Variants in EFCAB6 observed in about 807,000 individuals in gnomAD.
The protein encoded by EFCAB6 is EF-hand calcium-binding domain-containing protein 6.
In EFCAB6, 156 loss-of-function variants were observed where a neutral mutation model predicts 169.8. The observed-to-expected ratio is 0.92, with a 90% confidence interval of 0.81 to 1.05. The LOEUF is 1.05. EFCAB6 is among the 50% of genes least tolerant of loss of function. The probability of loss-of-function intolerance (pLI) is 0.00; values close to 1 mark genes in which losing one functional copy is unlikely to be tolerated. For missense variants in EFCAB6, 1,800 were observed against 1,829.1 expected, an observed-to-expected ratio of 0.98 and a Z score of 0.29; for synonymous variants, 698 against 676.4, an observed-to-expected ratio of 1.03 and a Z score of -0.50.
chr22:43,635,014 AC>A, intron 18 of EFCAB6, 87 bp downstream of exon 18: 1 of 1,019,034 alleles, frequency 9.8e-7, no homozygotes, highest in Non-Finnish European at 1.5e-6. Context: ...TGCTACTTCA[AC>A]CCGAGTGGCC....
intron 15 of EFCAB6, among the ~76,000 whole-genome samples, chr22:43,671,507 G>A (rs1417776992): frequency 6.6e-6 from 1 of 152,178 alleles, no homozygotes; most frequent in Non-Finnish European, 1.5e-5. Flanking sequence ...ATATTTAACT[G>A]TTGCAACTCA....
chr22:43,770,566 G>A (rs2061438363), intron 4 of EFCAB6, among the ~76,000 whole-genome samples: 1 of 152,154 alleles, frequency 6.6e-6, no homozygotes, highest in South Asian at 2.1e-4. Context: ...GGAATTAAAT[G>A]GAAATTCTAC....
intron 2 of EFCAB6, among the ~76,000 whole-genome samples, chr22:43,791,854 T>C (rs1443637148): frequency 1.3e-5 from 2 of 152,130 alleles, no homozygotes; most frequent in African/African-American, 4.8e-5. Context: ...CAGGAGACAT[T>C]TCTTCAAGAT....
At chr22:43,741,279 T>G (rs1423543126) in intron 6 of EFCAB6, among the ~76,000 whole-genome samples, 1 of 152,034 alleles carries the variant, frequency 6.6e-6, no homozygotes, top group African/African-American at 2.4e-5. Context: ...ACTGGGGCTC[T>G]TCTCATCCGC....
intron 18 of EFCAB6, among the ~76,000 whole-genome samples, chr22:43,633,096 G>T (rs993310346): frequency 6.6e-6 from 1 of 152,164 alleles, no homozygotes; most frequent in Non-Finnish European, 1.5e-5. Context: ...CTTTACCTAG[G>T]GGGTGGTGAG....
intron 26 of EFCAB6, among the ~76,000 whole-genome samples, chr22:43,555,364 A>G (rs1203128275): frequency 1.3e-5 from 2 of 152,226 alleles, no homozygotes; most frequent in Non-Finnish European, 2.9e-5. Flanking sequence ...CGGCCAGCAC[A>G]GAGCCCAGCC....
intron 22 of EFCAB6, among the ~76,000 whole-genome samples, chr22:43,605,177 C>T (rs945959769): frequency 3.9e-5 from 6 of 152,208 alleles, no homozygotes; most frequent in East Asian, 1.9e-4. Flanking sequence ...AATCGGATGT[C>T]GCTGACTCTA....
chr22:43,568,025 C>A (rs1400446132), intron 26 of EFCAB6, among the ~76,000 whole-genome samples: 1 of 152,230 alleles, frequency 6.6e-6, no homozygotes, highest in Non-Finnish European at 1.5e-5. Flanking sequence ...GTGCCAGGCA[C>A]ACTCACAGGC....
chr22:43,599,509 C>CAAAAAAAAAAAAAAA (rs58130994), intron 23 of EFCAB6, among the ~76,000 whole-genome samples: 4 of 44,244 alleles, frequency 9.0e-5, no homozygotes, highest in African/African-American at 9.0e-5. Context: ...GATTCCATCT[C>CAAAAAAAAAAAAAAA]AAAAAAAAAA....
intron 30 of EFCAB6, 35 bp downstream of exon 30, chr22:43,534,653 C>T: frequency 6.4e-7 from 1 of 1,565,466 alleles, no homozygotes; most frequent in Non-Finnish European, 8.6e-7. Context: ...CCCCTTTCCA[C>T]CTGGCCCCAC....
chr22:43,564,508 C>T (rs1019383555), intron 26 of EFCAB6, among the ~76,000 whole-genome samples: 2 of 150,976 alleles, frequency 1.3e-5, no homozygotes, highest in African/African-American at 4.9e-5. Context: ...GAGATAAAGG[C>T]AAATTAACTT....
chr22:43,752,305 A>G (rs1447753633), intron 6 of EFCAB6, among the ~76,000 whole-genome samples: 1 of 152,014 alleles, frequency 6.6e-6, no homozygotes, highest in Non-Finnish European at 1.5e-5. Context: ...TTTAGTAGAG[A>G]CAAGGTTTCA....
At chr22:43,723,203 G>C (rs1569442370) in intron 8 of EFCAB6, among the ~76,000 whole-genome samples, 1 of 152,132 alleles carries the variant, frequency 6.6e-6, no homozygotes, top group Non-Finnish European at 1.5e-5. Flanking sequence ...AAAATAAGTG[G>C]TCTCTTGAGA....
chr22:43,643,038 A>G (rs1357090004), intron 17 of EFCAB6, among the ~76,000 whole-genome samples: 1 of 152,314 alleles, frequency 6.6e-6, no homozygotes, highest in East Asian at 1.9e-4. Context: ...CATAGTGTCA[A>G]GAGCCAGAAC....
chr22:43,661,990 T>C (rs986681654), intron 17 of EFCAB6, among the ~76,000 whole-genome samples: 1 of 151,528 alleles, frequency 6.6e-6, no homozygotes, highest in Non-Finnish European at 1.5e-5. Flanking sequence ...GGTTAACCAA[T>C]ATGGTGAAAA....
At chr22:43,804,030 C>A (rs1444486366) in intron 2 of EFCAB6, among the ~76,000 whole-genome samples, 1 of 152,148 alleles carries the variant, frequency 6.6e-6, no homozygotes, top group Non-Finnish European at 1.5e-5. Flanking sequence ...ATATTCTTTT[C>A]ATCAGCACAT....
Position 43,706,712 on chromosome 22 carries a change from C to T in EFCAB6, c.1031+4763G>A, listed in dbSNP as rs556655336. Among the ~76,000 whole-genome samples, 80 of 152,318 alleles carry T rather than the reference C, an allele frequency of 5.3e-4. 1 individual carries two copies. The highest frequency in any genetic ancestry group is 9.1e-4 in the Admixed American group (14 of 15,304). On this transcript the variant is annotated intron_variant, in intron 10 of 31. Coordinates refer to ENST00000262726, the MANE Select transcript of EFCAB6 (RefSeq NM_022785.4). ...ATCAAACGCAGCTCTTTTAAAAGTGCTGTTTGCTTTCTCTGGATGGAATGG... is the reference window on the plus strand; with the variant it reads ...ATCAAACGCAGCTCTTTTAAAAGTGTTGTTTGCTTTCTCTGGATGGAATGG...
At position 43,690,620 on chromosome 22, in the gene EFCAB6, C is replaced by T. The variant is rs749175119; in HGVS notation, c.1032-3039G>A. Among the ~76,000 whole-genome samples the T allele has an allele frequency of 7.2e-4, 110 of 152,110 alleles. 1 individual carries two copies. Among genetic ancestry groups the T allele is most frequent in the Non-Finnish European group, 1.2e-3 (84 of 68,020 alleles). On this transcript the variant is annotated intron_variant, in intron 10 of 31. Coordinates refer to ENST00000262726, the MANE Select transcript of EFCAB6 (RefSeq NM_022785.4). ...GATAGAAACGACACTCCTTCTGAAA[C>T]GTACAAGCCTGCAATGGTGTGGCCC...
chr22:43,605,062 C>G (rs1342197170), intron 22 of EFCAB6, among the ~76,000 whole-genome samples: 1 of 152,158 alleles, frequency 6.6e-6, no homozygotes, highest in Non-Finnish European at 1.5e-5. Flanking sequence ...AATGCCAAGC[C>G]CTCCCCAAGG....
Sources: gnomAD v4.1 joint callset for allele counts (sites outside exome capture counted in the v4.1 genomes callset) on GRCh38, gnomAD v4.1.1 for gene constraint, MANE v1.5 for transcripts, NCBI Gene and HGNC (gene_info 2026-07-23, HGNC 2026-07-21) for gene names.